Variants in UBN1 observed in about 807,000 individuals in gnomAD.
The protein encoded by UBN1 is ubinuclein-1.
Under a neutral mutation model 108.5 loss-of-function variants are expected in UBN1, and 17 were observed. That is an observed-to-expected ratio of 0.16 (90% CI 0.11 to 0.24). The LOEUF (loss-of-function observed/expected upper bound fraction) is 0.24. Ranked by LOEUF, UBN1 falls within the 10% of genes least tolerant of loss-of-function variation. The probability of loss-of-function intolerance (pLI) is 1.00; values close to 1 mark genes in which losing one functional copy is unlikely to be tolerated. For synonymous variants in UBN1, 726 were observed against 564.2 expected (o/e 1.29, Z -4.07); for missense variants, 1,595 against 1,394.4 (o/e 1.14, Z -2.29).
chr16:4,864,075 C>CTTTTTTT (rs796516323), intron 7 of UBN1, among the ~76,000 whole-genome samples: 4 of 86,444 alleles, frequency 4.6e-5, no homozygotes, highest in East Asian at 6.0e-4. Flanking sequence ...TTGTTGTTGC[C>CTTTTTTT]TTTTTTTTTT....
Position 4,882,007 on chromosome 16 carries a change from T to C in UBN1, c.*1875T>C, listed in dbSNP as rs1214212275. ...CAGAATACCCTCATTTTTAGGAATC[T>C]AGTGATGCCTCTTGCCTCAGGGAAA... On this transcript the variant is annotated 3_prime_UTR_variant, in exon 18 of 18. Coordinates refer to ENST00000262376, the MANE Select transcript of UBN1 (RefSeq NM_001079514.3). 6.6e-6 allele frequency: 1 copy of C among 152,356 alleles called. No individual in the cohort carries two copies. Among genetic ancestry groups the C allele is most frequent in the East Asian group, 1.9e-4 (1 of 5,186 alleles). 9.4% of individuals were successfully genotyped at this position (152,356 alleles called of 1,614,324 possible).
At chr16:4,872,554 C>T (rs1310891956) in intron 12 of UBN1, among the ~76,000 whole-genome samples, 2 of 152,178 alleles carry the variant, frequency 1.3e-5, no homozygotes, top group African/African-American at 4.8e-5. Context: ...CTGCAACCTC[C>T]GCCTCCCCGG....
At chr16:4,849,966 A>AAAAAAAAAAAC (rs57963705) in intron 1 of UBN1, among the ~76,000 whole-genome samples, 2 of 145,014 alleles carry the variant, frequency 1.4e-5, no homozygotes, top group South Asian at 4.4e-4. Context: ...AAAAAAAAAA[A>AAAAAAAAAAAC]CCACAAAAAA....
rs1596515722 is a variant in UBN1, at chr16:4,871,147, C to T, written c.1560-8C>T. 1 of 1,613,610 alleles carries T rather than the reference C, an allele frequency of 6.2e-7. No individual in the cohort carries two copies. The highest frequency in any genetic ancestry group is 2.2e-5 in the East Asian group (1 of 44,886). On this transcript the variant is annotated splice_polypyrimidine_tract_variant and splice_region_variant and intron_variant, in intron 11 of 17. Coordinates refer to ENST00000262376, the MANE Select transcript of UBN1 (RefSeq NM_001079514.3). ...GTTTGGAGTTTCTGATTTCTGCCTC[C>T]TTCTCAGGGAGCTACTGTGCCAGGT...
Position 4,860,821 on chromosome 16 carries a change from C to A in UBN1, c.829C>A (p.Gln277Lys). The A allele has an allele frequency of 6.2e-7, 1 of 1,614,280 alleles. No individual in the cohort carries two copies. ...KPVAVPSAEAQGLRELEGASD... is the reference protein window; with the variant it reads ...KPVAVPSAEAKGLRELEGASD... ...TGTTGCGGTCCCATCAGCGGAAGCT[C>A]AGGGCCTGCGGGAACTGGAGGGTGC... Residue 277 changes from glutamine (Q) to lysine (K), a missense_variant, in exon 7 of 18, where the codon CAG becomes AAG. Physicochemically the swap from Gln to Lys is moderately conservative, Grantham distance 53. This residue lies in a region of UBN1 where 1,398 missense variants were observed against 1,194.7 expected (regional missense o/e 1.17). Transcript: ENST00000262376.
At chr16:4,855,684 C>T (rs557876382) in intron 2 of UBN1, among the ~76,000 whole-genome samples, 63 of 151,216 alleles carry the variant, frequency 4.2e-4, no homozygotes, top group African/African-American at 1.5e-3. Context: ...TTTGGGTGGC[C>T]GAGGCAGGCG....
At chr16:4,875,823 A>T (rs1161842255) in intron 15 of UBN1, among the ~76,000 whole-genome samples, 1 of 152,194 alleles carries the variant, frequency 6.6e-6, no homozygotes, top group African/African-American at 2.4e-5. Context: ...GGAGGTGTTC[A>T]TGGACCAGGA....
At chr16:4,862,155 A>T (rs564501593) in intron 7 of UBN1, among the ~76,000 whole-genome samples, 131 of 152,340 alleles carry the variant, frequency 8.6e-4, no homozygotes, top group African/African-American at 3.0e-3. Flanking sequence ...CTCTAGTGGC[A>T]GTCATAATCT....
intron 2 of UBN1, among the ~76,000 whole-genome samples, chr16:4,856,355 TG>T (rs2086809604): frequency 6.6e-6 from 1 of 152,238 alleles, no homozygotes; most frequent in South Asian, 2.1e-4. Flanking sequence ...TACTCTGCAG[TG>T]TTAAAAATAC....
Position 4,870,328 on chromosome 16 carries a change from A to C in UBN1, c.1298A>C (p.His433Pro). ...CTGCTCAAGCGTGCTCGGAAACTTC[A>C]CCTCTATGAACAGGTGGGTGACTCT... ...DALLKRARKL[H>P]LYEQGGRLKE... The change falls in exon 9 of 18, where the codon CAC becomes CCC. Residue 433 changes from histidine to proline, a missense_variant. By Grantham distance (77) the His-to-Pro change is moderately conservative. Transcript: ENST00000262376. 6.2e-7 allele frequency: 1 copy of C among 1,614,002 alleles called. No individual in the cohort carries two copies. The highest frequency in any genetic ancestry group is 8.5e-7 in the Non-Finnish European group (1 of 1,179,970).
In UBN1 at chr16:4,860,695, A is replaced by C. The variant is rs1470491577; in HGVS notation, c.703A>C (p.Lys235Gln). ...AGCCCTCAATGCCAGTAAGGAGAAG[A>C]AGAAGAAGAAATATTCTGGGGCTTT... is the stretch of plus-strand genomic sequence containing the variant. ...FTALNASKEK[K>Q]KKKYSGALSV... The change falls in exon 7 of 18, where the codon AAG becomes CAG. Residue 235 changes from lysine (K) to glutamine (Q), a missense_variant. Coordinates refer to ENST00000262376, the MANE Select transcript of UBN1 (RefSeq NM_001079514.3). 1 of 1,613,438 alleles carries C rather than the reference A, an allele frequency of 6.2e-7. No individual in the cohort carries two copies.
chr16:4,860,947 C>G lies in UBN1; in HGVS notation c.955C>G (p.Leu319Val). 3 of 1,614,272 alleles carry G rather than the reference C, an allele frequency of 1.9e-6. No individual in the cohort carries two copies. The highest frequency in any genetic ancestry group is 2.5e-6 in the Non-Finnish European group (3 of 1,180,050). ...DSLTDLDLEH[L>V]LSESPEGSPF... ...GCTGACGGATTTGGACTTGGAGCAT[C>G]TGCTCAGTGAGTCTCCAGAAGGAAG... The change falls in exon 7 of 18, where the codon CTG becomes GTG. Residue 319 changes from leucine to valine, a missense_variant. This residue lies in a region of UBN1 where 1,398 missense variants were observed against 1,194.7 expected (regional missense o/e 1.17). Coordinates refer to ENST00000262376, the MANE Select transcript of UBN1 (RefSeq NM_001079514.3).
At position 4,880,276 on chromosome 16, in the gene UBN1, C is replaced by G; in HGVS notation, c.*144C>G. ...GTTCTCAGCGGAGCGCTTCTCGGCA[C>G]TTCTGATGTGCCTCCCATGGAGGGA... On this transcript the variant is annotated 3_prime_UTR_variant, in exon 18 of 18. Coordinates refer to ENST00000262376, the MANE Select transcript of UBN1 (RefSeq NM_001079514.3). 1.1e-6 allele frequency: 1 copy of G among 929,360 alleles called. No individual in the cohort carries two copies. The highest frequency in any genetic ancestry group is 2.1e-5 in the Admixed American group (1 of 47,570). 57.6% of individuals were successfully genotyped at this position (929,360 alleles called of 1,614,324 possible). A position where few individuals can be genotyped will look rare whatever the true frequency, so the allele number is the denominator to read the frequency against.
At chr16:4,857,158 A>G (rs1178735777) in intron 2 of UBN1, among the ~76,000 whole-genome samples, 1 of 151,932 alleles carries the variant, frequency 6.6e-6, no homozygotes, top group African/African-American at 2.4e-5. Flanking sequence ...CCTGGGCAAC[A>G]TGATGAAACC....
At chr16:4,849,905 C>T (rs2086462253) in intron 1 of UBN1, among the ~76,000 whole-genome samples, 1 of 141,126 alleles carries the variant, frequency 7.1e-6, no homozygotes, top group Admixed American at 7.4e-5. Context: ...CTCATGGTGC[C>T]ACTGCACTCC....
At chr16:4,857,239 A>G (rs1459608561) in intron 2 of UBN1, among the ~76,000 whole-genome samples, 2 of 151,752 alleles carry the variant, frequency 1.3e-5, no homozygotes, top group African/African-American at 4.8e-5. Flanking sequence ...AGTCCCAGCT[A>G]TTCAGGAGGC....
intron 10 of UBN1, 84 bp from the exon 11 acceptor site, chr16:4,870,760 G>T (rs2087590104): frequency 1.3e-6 from 2 of 1,594,266 alleles, no homozygotes; most frequent in African/African-American, 2.7e-5. Flanking sequence ...CTCCTTCTCT[G>T]TGAAGTCCCA....
At position 4,880,095 on chromosome 16, in the gene UBN1, T is replaced by C; in HGVS notation, c.3368T>C (p.Leu1123Pro). The change falls in exon 18 of 18, where the codon CTT becomes CCT. Residue 1123 changes from leucine to proline, a missense_variant. Leu to Pro is a moderately conservative substitution (Grantham distance 98). Coordinates refer to ENST00000262376, the MANE Select transcript of UBN1 (RefSeq NM_001079514.3). ...IPQSLPGASQ[L>P]HGKGPAVPRK... ...TACTCTTTTCCAGGTGCTTCTCAGCTTCACGGGAAAGGGCCTGCTGTACCA... is the reference window on the plus strand; with the variant it reads ...TACTCTTTTCCAGGTGCTTCTCAGCCTCACGGGAAAGGGCCTGCTGTACCA... 1 of 1,614,126 alleles carries C rather than the reference T, an allele frequency of 6.2e-7. No individual in the cohort carries two copies. The highest frequency in any genetic ancestry group is 8.5e-7 in the Non-Finnish European group (1 of 1,180,022).
Position 4,874,449 on chromosome 16 carries a change from T to C in UBN1, c.2039T>C (p.Leu680Ser). ...ASSVEAVSKE[L>S]AALNSRAAGN... is the part of the protein sequence containing the mutation. ...TCGGTGGAAGCCGTGTCCAAGGAAT[T>C]GGCTGCATTGAATAGCAGAGCAGCT... The change falls in exon 15 of 18, where the codon TTG becomes TCG. Residue 680 changes from leucine (L) to serine (S), a missense_variant. Physicochemically the swap from Leu to Ser is moderately radical, Grantham distance 145. Coordinates refer to ENST00000262376, the MANE Select transcript of UBN1 (RefSeq NM_001079514.3). 6.2e-7 allele frequency: 1 copy of C among 1,613,980 alleles called. No individual in the cohort carries two copies. The highest frequency in any genetic ancestry group is 1.1e-5 in the South Asian group (1 of 91,064).
Sources: gnomAD v4.1 joint callset for allele counts (sites outside exome capture counted in the v4.1 genomes callset) on GRCh38, gnomAD v4.1.1 for gene constraint, gnomAD v4.1.1 regional missense constraint, MANE v1.5 for transcripts, NCBI Gene and HGNC (gene_info 2026-07-23, HGNC 2026-07-21) for gene names.